Variants in AKT2 observed in about 807,000 individuals in gnomAD.
The protein encoded by AKT2 is RAC-beta serine/threonine-protein kinase.
Under a neutral mutation model 58.6 loss-of-function variants are expected in AKT2, and 16 were observed. That is an observed-to-expected ratio of 0.27 (90% CI 0.18 to 0.41). The LOEUF is 0.41. AKT2 is among the 10% of genes least tolerant of loss of function. The pLI is 1.00. For synonymous variants in AKT2, 253 were observed against 254.0 expected (o/e 1.00, Z 0.04); for missense variants, 438 against 661.0 (o/e 0.66, Z 3.70).
intron 4 of AKT2, among the ~76,000 whole-genome samples, chr19:40,251,104 T>A (rs1975124650): frequency 6.6e-6 from 1 of 151,972 alleles, no homozygotes; most frequent in Non-Finnish European, 1.5e-5. Context: ...CTCAGGATCC[T>A]GAGGCGTAAG....
In AKT2 at chr19:40,242,165, G is replaced by A; in HGVS notation, c.442-96C>T. Reference sequence around the variant, plus strand: ...AGAAAGAGGAAAACCAAAAGACACTGTTGCCAAACGGCTTAGGCTGGAGCA... The same window carrying A: ...AGAAAGAGGAAAACCAAAAGACACTATTGCCAAACGGCTTAGGCTGGAGCA... On this transcript the variant is annotated intron_variant, in intron 5 of 13. Transcript: ENST00000392038. This position sits in a 1 kb window ranked among gnomAD's most constrained non-coding sequence, Gnocchi z 4.3. 6.5e-7 allele frequency: 1 copy of A among 1,549,232 alleles called. No homozygotes were observed. Among genetic ancestry groups the A allele is most frequent in the Admixed American group, 1.7e-5 (1 of 58,468 alleles).
Position 40,234,631 on chromosome 19 carries a change from AG to A in AKT2, c.1366+413del, listed in dbSNP as rs1273965637. On this transcript the variant is annotated intron_variant, in intron 13 of 13. Coordinates refer to ENST00000392038, the MANE Select transcript of AKT2 (RefSeq NM_001626.6). This position sits in a 1 kb window ranked among gnomAD's most constrained non-coding sequence, Gnocchi z 4.7. Reference sequence around the variant, plus strand: ...CCCAGTCCCTGGCCTCCCACGCCCTAGCCCTGACCACTCCAGGCCGCCCACC... The same window carrying A: ...CCCAGTCCCTGGCCTCCCACGCCCTACCCTGACCACTCCAGGCCGCCCACC... 1.9e-6 allele frequency: 1 copy of A among 523,124 alleles called. No homozygotes were observed. Among genetic ancestry groups the A allele is most frequent in the Admixed American group, 3.6e-5 (1 of 28,144 alleles). The allele number at this position is 523,124 out of a possible 1,614,324, so 32.4% of individuals were successfully genotyped here.
Position 40,282,159 on chromosome 19 carries a change from G to T in AKT2, c.-85+3022C>A, listed in dbSNP as rs939901741. ...CTCGAGGGGACCAAAAGTAGGGGGT[G>T]GGGGAGGCTGGATGCCTCCGTTCCA... On this transcript the variant is annotated intron_variant, in intron 1 of 13. Transcript: ENST00000392038. The T allele has an allele frequency of 9.1e-5, 19 of 208,936 alleles. No homozygotes were observed. The East Asian group carries it at 2.5e-3, about 28-fold the overall frequency. The allele number at this position is 208,936 out of a possible 1,614,324, so 12.9% of individuals were successfully genotyped here. A position where few individuals can be genotyped will look rare whatever the true frequency, so the allele number is the denominator to read the frequency against.
rs2145178166 is a variant in AKT2, at chr19:40,238,005, G to A, written c.795C>T (p.Tyr265=). Residue 265 remains tyrosine, a synonymous_variant, in exon 9 of 14, where the codon TAC becomes TAT. Transcript: ENST00000392038. The surrounding 1 kb of genome is among the most constrained non-coding windows in gnomAD (Gnocchi z 5.1). ...GGTATACCACGTCCCGCGAGTGCAA[G>A]TACTCAAGAGCCGAGACAATCTCTG... ...YGAEIVSALE[Y]LHSRDVVYRD... is the part of the protein sequence containing the mutation. 6.2e-7 allele frequency: 1 copy of A among 1,613,464 alleles called. No homozygotes were observed. Among genetic ancestry groups the A allele is most frequent in the Middle Eastern group, 1.7e-4 (1 of 6,058 alleles).
chr19:40,238,241 C>T lies in AKT2; in HGVS notation c.709-150G>A, dbSNP rs1044266716. Reference sequence around the variant, plus strand: ...GCTAGAGGGACCAATCAAGGCAGAGCGCAGAAGCTCATAAGTGACACAGAG... The same window carrying T: ...GCTAGAGGGACCAATCAAGGCAGAGTGCAGAAGCTCATAAGTGACACAGAG... On this transcript the variant is annotated intron_variant, in intron 8 of 13. Coordinates refer to ENST00000392038, the MANE Select transcript of AKT2 (RefSeq NM_001626.6). This position sits in a 1 kb window ranked among gnomAD's most constrained non-coding sequence, Gnocchi z 5.1. 5.0e-5 allele frequency: 56 copies of T among 1,113,296 alleles called. No homozygotes were observed. In the South Asian group the frequency reaches 7.2e-4, roughly 14 times the overall value. 69.0% of individuals were successfully genotyped at this position (1,113,296 alleles called of 1,614,324 possible). A position where few individuals can be genotyped will look rare whatever the true frequency, so the allele number is the denominator to read the frequency against.
chr19:40,279,134 T>C (rs1363317633), intron 1 of AKT2: 3 of 152,254 alleles, frequency 2.0e-5, no homozygotes, highest in Non-Finnish European at 4.4e-5. Context: ...GCGAACGAGC[T>C]TCTCCAGCAG....
chr19:40,284,008 C>G (rs936049664), intron 1 of AKT2, among the ~76,000 whole-genome samples: 21 of 152,142 alleles, frequency 1.4e-4, no homozygotes, highest in Admixed American at 1.4e-3. Context: ...CCCTTCACAT[C>G]CACTGCCAAC....
chr19:40,256,545 G>A (rs1008302516), intron 3 of AKT2, among the ~76,000 whole-genome samples: 2 of 152,220 alleles, frequency 1.3e-5, no homozygotes, highest in Non-Finnish European at 2.9e-5. Context: ...GTGACCAGCT[G>A]AGTGGGAAGC....
intron 1 of AKT2, among the ~76,000 whole-genome samples, chr19:40,272,485 CGAAGGCTCGCGGCACG>C (rs1014571839): frequency 6.6e-6 from 1 of 152,204 alleles, no homozygotes; most frequent in Admixed American, 6.5e-5. Flanking sequence ...CATTCGCTAA[CGAAGGCTCGCGGCACG>C]ACAGAATGCA....
chr19:40,258,664 A>T lies in AKT2; in HGVS notation c.47-1610T>A, dbSNP rs113806345. Among the ~76,000 whole-genome samples, 327 of 152,200 alleles carry T rather than the reference A, an allele frequency of 2.1e-3. 1 individual carries two copies. Among genetic ancestry groups the T allele is most frequent in the African/African-American group, 7.7e-3 (318 of 41,542 alleles). On this transcript the variant is annotated intron_variant, in intron 2 of 13. Transcript: ENST00000392038. The stretch of plus-strand genomic sequence containing the variant: ...AGCAAGACCCTAGCTCTTAAAAAAA[A>T]AAAAAAAAAGCATTTACAAAAGCCT...
chr19:40,258,746 A>G (rs1975733720), intron 2 of AKT2, among the ~76,000 whole-genome samples: 1 of 151,896 alleles, frequency 6.6e-6, no homozygotes, highest in Non-Finnish European at 1.5e-5. Flanking sequence ...AACATTGTTT[A>G]AAGAAATTAG....
In AKT2 at chr19:40,235,511, G is replaced by C. The variant is rs919752341; in HGVS notation, c.1176-161C>G. On this transcript the variant is annotated intron_variant, in intron 11 of 13. Transcript: ENST00000392038. This position sits in a 1 kb window ranked among gnomAD's most constrained non-coding sequence, Gnocchi z 6.3. ...CGAGGCTCAGGGAGGGAGCTCACGT[G>C]CCCAGGGTCAGAGCCAGGGAGTCAG... The C allele has an allele frequency of 4.0e-6, 3 of 745,324 alleles. No individual in the cohort carries two copies. Among genetic ancestry groups the C allele is most frequent in the Non-Finnish European group, 6.9e-6 (3 of 433,440 alleles). 46.2% of individuals were successfully genotyped at this position (745,324 alleles called of 1,614,324 possible). A position where few individuals can be genotyped will look rare whatever the true frequency, so the allele number is the denominator to read the frequency against.
intron 2 of AKT2, among the ~76,000 whole-genome samples, chr19:40,261,899 AT>A (rs2145340544): frequency 7.8e-6 from 1 of 127,840 alleles, no homozygotes; most frequent in Admixed American, 8.8e-5. Flanking sequence ...TGTAAATTTC[AT>A]CCCCGTTTTT....
intron 1 of AKT2, among the ~76,000 whole-genome samples, chr19:40,278,926 AC>A (rs1479318844): frequency 1.3e-5 from 2 of 151,412 alleles, no homozygotes; most frequent in African/African-American, 4.9e-5. Context: ...CACGTCAGCT[AC>A]CCCCGGGACC....
intron 1 of AKT2, among the ~76,000 whole-genome samples, chr19:40,277,080 G>C (rs2077339866): frequency 6.6e-6 from 1 of 152,020 alleles, no homozygotes; most frequent in Admixed American, 6.5e-5. Flanking sequence ...GGTTGTCCTG[G>C]GGACCCAATG....
chr19:40,251,991 G>A (rs1975190251), intron 4 of AKT2, among the ~76,000 whole-genome samples: 1 of 152,202 alleles, frequency 6.6e-6, no homozygotes, highest in Non-Finnish European at 1.5e-5. Flanking sequence ...TTTTCTCCAT[G>A]TGAAACACGT....
chr19:40,234,574 G>A lies in AKT2; in HGVS notation c.1366+471C>T. ...CTCCTCTAGAAAGCCCTCCCTAACTGCAGGCCAGGTCGGATATTTCCTCTG... is the reference window on the plus strand; with the variant it reads ...CTCCTCTAGAAAGCCCTCCCTAACTACAGGCCAGGTCGGATATTTCCTCTG... On this transcript the variant is annotated intron_variant, in intron 13 of 13. Transcript: ENST00000392038. This position sits in a 1 kb window ranked among gnomAD's most constrained non-coding sequence, Gnocchi z 4.7. 1 of 382,202 alleles carries A rather than the reference G, an allele frequency of 2.6e-6. No individual in the cohort carries two copies. The highest frequency in any genetic ancestry group is 4.7e-6 in the Non-Finnish European group (1 of 213,114). The allele number at this position is 382,202 out of a possible 1,614,324, so 23.7% of individuals were successfully genotyped here.
At chr19:40,269,335 G>A (rs1297296054) in intron 1 of AKT2, 1 of 152,274 alleles carries the variant, frequency 6.6e-6, no homozygotes, top group African/African-American at 2.4e-5. Context: ...AAAAGAGCAA[G>A]AGCACCTCAC....
intron 2 of AKT2, among the ~76,000 whole-genome samples, chr19:40,260,339 T>C (rs1975845960): frequency 6.7e-6 from 1 of 149,926 alleles, no homozygotes; most frequent in South Asian, 2.1e-4. Flanking sequence ...ATATAGAATA[T>C]ATCACCCCGA....
Sources: allele counts gnomAD v4.1 joint callset (sites outside exome capture counted in the v4.1 genomes callset), GRCh38; gene constraint gnomAD v4.1.1; non-coding constraint Gnocchi (gnomAD v3.1); transcripts MANE v1.5; gene names NCBI Gene and HGNC (gene_info 2026-07-23, HGNC 2026-07-21).